The following OMA1 variants were observed in gnomAD, a reference collection of about 807,000 sequenced individuals.
The protein encoded by OMA1 is OMA1 zinc metallopeptidase.
A neutral mutation model predicts 30.9 loss-of-function variants in OMA1; 38 were observed. The observed-to-expected ratio is 1.23, with a 90% CI of 0.95 to 1.61. The LOEUF is 1.61. Among genes scored for constraint, OMA1 ranks in the 40% most tolerant of loss-of-function variants. OMA1 has a pLI of 0.00. For synonymous variants in OMA1, 173 were observed against 121.9 expected (o/e 1.42, Z -2.76); for missense variants, 461 against 349.2 (o/e 1.32, Z -2.55).
intron 7 of OMA1, among the ~76,000 whole-genome samples, chr1:58,526,860 C>T (rs1243480185): frequency 6.6e-6 from 1 of 151,986 alleles, no homozygotes; most frequent in Admixed American, 6.6e-5. Context: ...TCCAGAGGGA[C>T]AAATGTTAAA....
At chr1:58,484,981 T>G (rs1311679327) in intron 8 of OMA1, among the ~76,000 whole-genome samples, 5 of 152,040 alleles carry the variant, frequency 3.3e-5, no homozygotes, top group Non-Finnish European at 7.4e-5. Context: ...GGTGGATACA[T>G]GTCATTATAC....
chr1:58,485,498 A>G (rs944278473), intron 8 of OMA1, among the ~76,000 whole-genome samples: 2 of 152,000 alleles, frequency 1.3e-5, no homozygotes, highest in Non-Finnish European at 2.9e-5. Context: ...TCTCCTCCCC[A>G]AATATCTATC....
intron 8 of OMA1, among the ~76,000 whole-genome samples, chr1:58,489,201 AG>A (rs1645631137): frequency 6.6e-6 from 1 of 152,218 alleles, no homozygotes; most frequent in African/African-American, 2.4e-5. Context: ...AGCCAAGGAA[AG>A]GGGTAACAGA....
intron 8 of OMA1, among the ~76,000 whole-genome samples, chr1:58,500,830 T>C (rs986651203): frequency 2.0e-5 from 3 of 152,204 alleles, no homozygotes; most frequent in Admixed American, 6.5e-5. Context: ...TCTAAATGTT[T>C]TCAGTTTTAA....
At chr1:58,514,243 AT>A in intron 7 of OMA1, among the ~76,000 whole-genome samples, 1 of 152,282 alleles carries the variant, frequency 6.6e-6, no homozygotes, top group Admixed American at 6.5e-5. Context: ...TTGAGAAAGA[AT>A]TTGCTACTAT....
intron 8 of OMA1, among the ~76,000 whole-genome samples, chr1:58,496,450 C>A (rs1392475457): frequency 1.3e-5 from 2 of 152,178 alleles, no homozygotes; most frequent in African/African-American, 2.4e-5. Context: ...TGCCGCCTTG[C>A]CTGTCCTCTC....
intron 8 of OMA1, among the ~76,000 whole-genome samples, chr1:58,505,473 G>A (rs1303233876): frequency 1.3e-5 from 2 of 152,028 alleles, no homozygotes; most frequent in Admixed American, 6.6e-5. Context: ...GATTTTCAGA[G>A]GATACTGAAA....
intron 8 of OMA1, among the ~76,000 whole-genome samples, chr1:58,486,378 T>C (rs1645576180): frequency 1.3e-5 from 2 of 152,232 alleles, no homozygotes; most frequent in Non-Finnish European, 2.9e-5. Flanking sequence ...ATCTTTATAT[T>C]ACTATTTCCT....
chr1:58,526,797 C>G (rs1408325346), intron 7 of OMA1, among the ~76,000 whole-genome samples: 2 of 152,006 alleles, frequency 1.3e-5, no homozygotes, highest in Admixed American at 6.6e-5. Flanking sequence ...ATCAGAGAAG[C>G]AAGGGGTAAA....
chr1:58,535,105 A>G (rs1193587639), intron 3 of OMA1, among the ~76,000 whole-genome samples: 4 of 152,232 alleles, frequency 2.6e-5, no homozygotes, highest in Non-Finnish European at 5.9e-5. Flanking sequence ...TGTTTTACTC[A>G]CAGATTGAAA....
At chr1:58,492,495 T>C (rs558994761) in intron 8 of OMA1, among the ~76,000 whole-genome samples, 188 of 152,062 alleles carry the variant, frequency 1.2e-3, no homozygotes, top group African/African-American at 4.4e-3. Flanking sequence ...TTTGAAAAGA[T>C]CAACAAAATT....
rs554597505 is a variant in OMA1, at chr1:58,536,567, T to C, written c.675A>G (p.Leu225=). 1.1e-5 allele frequency: 10 copies of C among 872,876 alleles called. No individual in the cohort carries two copies. The highest frequency in any genetic ancestry group is 2.0e-5 in the Non-Finnish European group (10 of 501,626). The allele number at this position is 872,876 out of a possible 1,614,324, so 54.1% of individuals were successfully genotyped here. ...EVSPITGRSK[L]LLLGKEQFRL... is the part of the protein sequence containing the mutation. ...TGAACTGTTCTTTCCCCAATAATAG[T>C]AGCTTGCTCCTTCCTGTGATTGGAC... Residue 225 remains leucine (L), a synonymous_variant, in exon 3 of 9, where the codon CTA becomes CTG. Coordinates refer to ENST00000371226, the MANE Select transcript of OMA1 (RefSeq NM_145243.5).
intron 1 of OMA1, among the ~76,000 whole-genome samples, chr1:58,546,153 C>T (rs527327861): frequency 2.3e-4 from 35 of 152,220 alleles, no homozygotes; most frequent in Non-Finnish European, 4.3e-4. Flanking sequence ...TAAAACTCCC[C>T]GGAACTGCTT....
intron 7 of OMA1, among the ~76,000 whole-genome samples, chr1:58,516,449 A>G (rs554829003): frequency 1.6e-4 from 25 of 152,352 alleles, no homozygotes; most frequent in African/African-American, 5.8e-4. Flanking sequence ...AAGACTGAAC[A>G]GCTTGTTATT....
rs1261329807 is a variant in OMA1, at chr1:58,530,711, C to A, written c.1030G>T (p.Val344Phe). 1 of 872,572 alleles carries A rather than the reference C, an allele frequency of 1.1e-6. No individual in the cohort carries two copies. The highest frequency in any genetic ancestry group is 1.7e-5 in the Admixed American group (1 of 59,176). The allele number at this position is 872,572 out of a possible 1,614,324, so 54.1% of individuals were successfully genotyped here. ...LGHAAEKAGM[V>F]HLLDFLGMIF... The stretch of plus-strand genomic sequence containing the variant: ...ATACCTAGGAAATCCAACAAATGAA[C>A]CATGCCAGCCTTTTCTGCCTAAGAA... The change falls in exon 6 of 9, where the codon GTT becomes TTT. Residue 344 changes from valine to phenylalanine, a missense_variant. Physicochemically the swap from Val to Phe is conservative, Grantham distance 50. Coordinates refer to ENST00000371226, the MANE Select transcript of OMA1 (RefSeq NM_145243.5).
chr1:58,524,130 A>G (rs4912341), intron 7 of OMA1, among the ~76,000 whole-genome samples: 17,704 of 152,240 alleles, frequency 0.12, 1,230 homozygotes, highest in African/African-American at 0.18. Flanking sequence ...TCCGCAAAAC[A>G]GTAGAGTTAG....
In OMA1 at chr1:58,527,299, C is replaced by T. The variant is rs1234724560; in HGVS notation, c.1177G>A (p.Ala393Thr). ...FNRPYSRKLEAEADKIGLLLA... is the reference protein window; with the variant it reads ...FNRPYSRKLETEADKIGLLLA... ...AGTAGTCCAATTTTGTCAGCTTCGG[C>T]CTCCAATTTTCTGCTGTATGGTCTA... is the stretch of plus-strand genomic sequence containing the variant. Residue 393 changes from alanine (A) to threonine (T), a missense_variant, in exon 7 of 9, where the codon GCC becomes ACC. Ala to Thr is a moderately conservative substitution (Grantham distance 58, BLOSUM62 0). Coordinates refer to ENST00000371226, the MANE Select transcript of OMA1 (RefSeq NM_145243.5). 1 of 872,096 alleles carries T rather than the reference C, an allele frequency of 1.1e-6. No individual in the cohort carries two copies. Among genetic ancestry groups the T allele is most frequent in the African/African-American group, 1.6e-5 (1 of 61,282 alleles). The allele number at this position is 872,096 out of a possible 1,614,324, so 54.0% of individuals were successfully genotyped here.
chr1:58,543,427 T>C (rs17117742), intron 1 of OMA1, among the ~76,000 whole-genome samples: 23,004 of 152,186 alleles, frequency 0.15, 1,823 homozygotes, highest in Middle Eastern at 0.22. Flanking sequence ...TCAGCCCACA[T>C]TAAATCAGTC....
intron 8 of OMA1, among the ~76,000 whole-genome samples, chr1:58,485,560 T>C (rs1645563072): frequency 6.6e-6 from 1 of 152,282 alleles, no homozygotes; most frequent in Middle Eastern, 3.4e-3. Flanking sequence ...TTCATCTACT[T>C]TGCATAGTAA....
Sources: allele counts gnomAD v4.1 joint callset (sites outside exome capture counted in the v4.1 genomes callset), GRCh38; gene constraint gnomAD v4.1.1; transcripts MANE v1.5; gene names NCBI Gene and HGNC (gene_info 2026-07-23, HGNC 2026-07-21).